The following ZNF385B variants were observed in gnomAD, a reference collection of about 807,000 sequenced individuals.
The protein encoded by ZNF385B is zinc finger protein 385B.
Under a neutral mutation model 39.2 loss-of-function variants are expected in ZNF385B, and 23 were observed. That is an observed-to-expected ratio of 0.59 (90% CI 0.42 to 0.83). The LOEUF (loss-of-function observed/expected upper bound fraction) is 0.83. ZNF385B is among the 40% of genes least tolerant of loss of function. The probability of loss-of-function intolerance (pLI) is 0.00; values close to 1 mark genes in which losing one functional copy is unlikely to be tolerated. For missense variants in ZNF385B, 552 were observed against 598.9 expected (o/e 0.92, Z 0.82); for synonymous variants, 205 against 222.6 (o/e 0.92, Z 0.70).
At chr2:179,799,315 G>T (rs1452457190) in intron 1 of ZNF385B, among the ~76,000 whole-genome samples, 1 of 151,984 alleles carries the variant, frequency 6.6e-6, no homozygotes, top group Admixed American at 6.6e-5. Flanking sequence ...AATGTTAAAA[G>T]GGAACAACCA....
At chr2:179,491,682 T>C (rs2055245037) in intron 5 of ZNF385B, among the ~76,000 whole-genome samples, 1 of 152,142 alleles carries the variant, frequency 6.6e-6, no homozygotes, top group African/African-American at 2.4e-5. Flanking sequence ...ATGGATAATA[T>C]CTTTTATTTT....
intron 3 of ZNF385B, among the ~76,000 whole-genome samples, chr2:179,588,752 G>A (rs1687311381): frequency 6.6e-6 from 1 of 152,096 alleles, no homozygotes; most frequent in African/African-American, 2.4e-5. Flanking sequence ...ATCTTCAAAT[G>A]TTACAATGCA....
chr2:179,560,085 A>G (rs2061229420), intron 3 of ZNF385B, among the ~76,000 whole-genome samples: 1 of 152,050 alleles, frequency 6.6e-6, no homozygotes, highest in South Asian at 2.1e-4. Context: ...GTTGTTGCAA[A>G]TGGTAGGATC....
At chr2:179,540,813 A>G (rs561764511) in intron 4 of ZNF385B, among the ~76,000 whole-genome samples, 10 of 152,284 alleles carry the variant, frequency 6.6e-5, no homozygotes, top group Admixed American at 1.3e-4. Context: ...ATCTGGGGCT[A>G]CTTTGGAAAC....
intron 5 of ZNF385B, among the ~76,000 whole-genome samples, chr2:179,510,327 C>A (rs1227365102): frequency 6.6e-6 from 1 of 151,732 alleles, no homozygotes; most frequent in Non-Finnish European, 1.5e-5. Context: ...TCAAGAGAAA[C>A]ACAGTAGATG....
At chr2:179,546,590 T>C (rs2060247677) in intron 3 of ZNF385B, among the ~76,000 whole-genome samples, 1 of 152,202 alleles carries the variant, frequency 6.6e-6, no homozygotes, top group Non-Finnish European at 1.5e-5. Flanking sequence ...CTCTACTGTA[T>C]ATATGTAACT....
At chr2:179,691,711 A>C (rs1559095214) in intron 3 of ZNF385B, among the ~76,000 whole-genome samples, 1 of 152,192 alleles carries the variant, frequency 6.6e-6, no homozygotes, top group African/African-American at 2.4e-5. Context: ...AGCAAAAACA[A>C]GTAATTTTTC....
chr2:179,702,061 T>C (rs531334552), intron 3 of ZNF385B, among the ~76,000 whole-genome samples: 2 of 152,346 alleles, frequency 1.3e-5, no homozygotes, highest in African/African-American at 2.4e-5. Context: ...CGTTTTCATT[T>C]TTTTTTAAAG....
At chr2:179,821,669 A>G (rs1425238778) in intron 1 of ZNF385B, among the ~76,000 whole-genome samples, 1 of 152,080 alleles carries the variant, frequency 6.6e-6, no homozygotes, top group East Asian at 1.9e-4. Context: ...TGCTTTACCC[A>G]AGATAGACTA....
chr2:179,627,870 T>C (rs566721005), intron 3 of ZNF385B, among the ~76,000 whole-genome samples: 3 of 152,288 alleles, frequency 2.0e-5, no homozygotes, highest in African/African-American at 7.2e-5. Context: ...CAGCATTTGC[T>C]TCCCACATTT....
intron 3 of ZNF385B, among the ~76,000 whole-genome samples, chr2:179,690,828 T>C (rs1381596267): frequency 1.3e-5 from 2 of 152,214 alleles, no homozygotes; most frequent in African/African-American, 2.4e-5. Flanking sequence ...GTTGTAATTA[T>C]TCGTGCACTT....
intron 1 of ZNF385B, among the ~76,000 whole-genome samples, chr2:179,838,574 G>A (rs146961364): frequency 4.3e-4 from 66 of 152,248 alleles, no homozygotes; most frequent in African/African-American, 1.6e-3. Context: ...CAAAGGAAAT[G>A]CTTGCTATGT....
At chr2:179,559,498 C>G (rs73039341) in intron 3 of ZNF385B, among the ~76,000 whole-genome samples, 3,767 of 152,232 alleles carry the variant, frequency 0.025, 151 homozygotes, top group African/African-American at 0.086. Context: ...AGGCCCTCAT[C>G]ATAAATGACT....
chr2:179,761,761 C>CTTTTTTTTTT (rs34325728), intron 3 of ZNF385B, among the ~76,000 whole-genome samples: 96 of 110,276 alleles, frequency 8.7e-4, no homozygotes, highest in Admixed American at 1.3e-3. Context: ...TTTTTCTTTT[C>CTTTTTTTTTT]TTTTTTTTTT....
At chr2:179,652,229 T>C (rs928557588) in intron 3 of ZNF385B, among the ~76,000 whole-genome samples, 9 of 152,176 alleles carry the variant, frequency 5.9e-5, no homozygotes, top group African/African-American at 2.2e-4. Flanking sequence ...TGGTTTCATT[T>C]TTCACAGTTT....
At chr2:179,709,499 A>C (rs967131533) in intron 3 of ZNF385B, among the ~76,000 whole-genome samples, 4 of 150,902 alleles carry the variant, frequency 2.7e-5, no homozygotes, top group African/African-American at 9.8e-5. Flanking sequence ...ACAGTCTACC[A>C]TGAGGATGCC....
intron 5 of ZNF385B, among the ~76,000 whole-genome samples, chr2:179,515,141 G>A (rs1383922140): frequency 1.3e-5 from 2 of 152,072 alleles, no homozygotes; most frequent in African/African-American, 4.8e-5. Flanking sequence ...TAATTTGAGA[G>A]ATTCATAATT....
chr2:179,854,516 C>A (rs563541701), intron 1 of ZNF385B, among the ~76,000 whole-genome samples: 2 of 151,466 alleles, frequency 1.3e-5, no homozygotes, highest in East Asian at 3.9e-4. Context: ...ACCTATTTCA[C>A]AGGAATAGGA....
Position 179,517,718 on chromosome 2 carries a change from C to T in ZNF385B, c.552+810G>A, listed in dbSNP as rs1050883352. On this transcript the variant is annotated intron_variant, in intron 5 of 9. Coordinates refer to ENST00000410066, the MANE Select transcript of ZNF385B (RefSeq NM_152520.6). The stretch of plus-strand genomic sequence containing the variant: ...GCAGCCTTCGGATTCTGATTTACAT[C>T]GGTCATTGGCTTTACTTGGTAATTG... Among the ~76,000 whole-genome samples, 7 of 152,028 alleles carry T rather than the reference C, an allele frequency of 4.6e-5. No individual in the cohort carries two copies. In the East Asian group the frequency reaches 7.7e-4, roughly 17 times the overall value.
Sources: gnomAD v4.1 joint callset for allele counts (sites outside exome capture counted in the v4.1 genomes callset) on GRCh38, gnomAD v4.1.1 for gene constraint, MANE v1.5 for transcripts, NCBI Gene and HGNC (gene_info 2026-07-23, HGNC 2026-07-21) for gene names.